Variants in NAALADL2 observed in about 807,000 individuals in gnomAD.
NAALADL2 encodes the protein inactive N-acetylated-alpha-linked acidic dipeptidase-like protein 2.
In NAALADL2, 76 loss-of-function variants were observed where a neutral mutation model predicts 87.2. The ratio of observed to expected loss-of-function variants is 0.87; its 90% CI spans 0.72 to 1.05. The LOEUF (loss-of-function observed/expected upper bound fraction) is 1.05. Ranked by LOEUF, NAALADL2 falls within the 50% of genes least tolerant of loss-of-function variation. The pLI is 0.00. For synonymous variants in NAALADL2, 354 were observed against 331.0 expected (o/e 1.07, Z -0.75); for missense variants, 1,089 against 945.8 (o/e 1.15, Z -1.99).
intron 5 of NAALADL2, among the ~76,000 whole-genome samples, chr3:175,351,395 A>T (rs1171158824): frequency 6.6e-6 from 1 of 152,070 alleles, no homozygotes; most frequent in Non-Finnish European, 1.5e-5. Context: ...TATGATATAT[A>T]TACATATATG....
chr3:174,607,246 A>G (rs576440671), intron 2 of NAALADL2, among the ~76,000 whole-genome samples: 7 of 152,142 alleles, frequency 4.6e-5, no homozygotes, highest in Non-Finnish European at 1.0e-4. Flanking sequence ...GACTAGGAAG[A>G]AACTGCATCA....
chr3:175,774,428 A>T (rs1419546671), intron 13 of NAALADL2, among the ~76,000 whole-genome samples: 1 of 152,044 alleles, frequency 6.6e-6, no homozygotes, highest in African/African-American at 2.4e-5. Flanking sequence ...TTAAACAAAA[A>T]TTTTTTAAAT....
At chr3:175,099,007 T>C (rs1488660815) in intron 2 of NAALADL2, among the ~76,000 whole-genome samples, 4 of 152,062 alleles carry the variant, frequency 2.6e-5, no homozygotes, top group Admixed American at 2.6e-4. Context: ...TATAGTCAAA[T>C]TTGTATTTGT....
intron 11 of NAALADL2, among the ~76,000 whole-genome samples, chr3:175,674,908 T>G (rs1047673674): frequency 1.3e-5 from 2 of 152,208 alleles, no homozygotes; most frequent in African/African-American, 4.8e-5. Flanking sequence ...AAAATTACTT[T>G]TGTAATTTTG....
intron 11 of NAALADL2, among the ~76,000 whole-genome samples, chr3:175,642,676 A>AT (rs1165347593): frequency 5.3e-4 from 81 of 152,020 alleles, no homozygotes; most frequent in African/African-American, 1.9e-3. Flanking sequence ...AATTTTGTGT[A>AT]TTTTTAGTAC....
intron 1 of NAALADL2, among the ~76,000 whole-genome samples, chr3:175,017,087 C>A (rs1464239620): frequency 6.6e-6 from 1 of 152,006 alleles, no homozygotes; most frequent in Non-Finnish European, 1.5e-5. Context: ...CAATGCAATA[C>A]AACTAGTTAC....
In NAALADL2 at chr3:175,809,623, C is replaced by T. The variant is rs150407039; in HGVS notation, c.*6420C>T. On this transcript the variant is annotated 3_prime_UTR_variant, in exon 14 of 14. Coordinates refer to ENST00000454872, the MANE Select transcript of NAALADL2 (RefSeq NM_207015.3). ...GGCTGAGGCGGAAGAATCATTTGGG[C>T]CCAAAAGTTTGAAGCTGCAGTGAGC... is the stretch of plus-strand genomic sequence containing the variant. The T allele has an allele frequency of 6.6e-6, 1 of 150,930 alleles. No individual in the cohort carries two copies. Among genetic ancestry groups the T allele is most frequent in the Non-Finnish European group, 1.5e-5 (1 of 67,808 alleles). The allele number at this position is 150,930 out of a possible 1,614,324, so 9.3% of individuals were successfully genotyped here. A position where few individuals can be genotyped will look rare whatever the true frequency, so the allele number is the denominator to read the frequency against.
chr3:174,579,768 A>G (rs2861837), intron 2 of NAALADL2, among the ~76,000 whole-genome samples: 78,114 of 151,892 alleles, frequency 0.51, 22,525 homozygotes, highest in East Asian at 0.82. Flanking sequence ...TGGCATTAAA[A>G]TGTGATTGCT....
chr3:175,446,029 GA>G (rs1216958930), intron 5 of NAALADL2, among the ~76,000 whole-genome samples: 1 of 152,142 alleles, frequency 6.6e-6, no homozygotes, highest in African/African-American at 2.4e-5. Flanking sequence ...TTCTGTATAT[GA>G]CTGGGATTTA....
At chr3:174,547,001 A>C (rs1020725398) in intron 1 of NAALADL2, among the ~76,000 whole-genome samples, 1 of 152,124 alleles carries the variant, frequency 6.6e-6, no homozygotes, top group South Asian at 2.1e-4. Flanking sequence ...GAAGAGGTAA[A>C]GATGTATTTA....
At chr3:174,935,879 C>T (rs1737618693) in intron 1 of NAALADL2, among the ~76,000 whole-genome samples, 4 of 152,018 alleles carry the variant, frequency 2.6e-5, no homozygotes, top group Admixed American at 2.6e-4. Context: ...ATAAGTCTAG[C>T]AAACTTTAAA....
intron 1 of NAALADL2, among the ~76,000 whole-genome samples, chr3:174,925,924 G>T (rs548739026): frequency 8.5e-5 from 13 of 152,238 alleles, no homozygotes; most frequent in African/African-American, 3.1e-4. Context: ...AAAGAAGAAA[G>T]TTCGAACCAA....
intron 1 of NAALADL2, among the ~76,000 whole-genome samples, chr3:175,006,892 G>A (rs887604401): frequency 2.1e-4 from 31 of 150,956 alleles, no homozygotes; most frequent in Admixed American, 1.4e-3. Flanking sequence ...ATTCTTATAC[G>A]TATATAGCTT....
intron 5 of NAALADL2, among the ~76,000 whole-genome samples, chr3:175,381,984 C>T (rs2148988104): frequency 6.6e-6 from 1 of 152,298 alleles, no homozygotes; most frequent in Non-Finnish European, 1.5e-5. Flanking sequence ...ATACTGCTCA[C>T]TTTCCCTTCT....
chr3:175,122,224 A>T (rs1232879086), intron 2 of NAALADL2, among the ~76,000 whole-genome samples: 1 of 151,864 alleles, frequency 6.6e-6, no homozygotes, highest in Non-Finnish European at 1.5e-5. Context: ...GCCATTCTGC[A>T]TACTGGTTGA....
At chr3:174,852,970 C>T (rs1490565381) in intron 3 of NAALADL2, among the ~76,000 whole-genome samples, 1 of 151,974 alleles carries the variant, frequency 6.6e-6, no homozygotes, top group Non-Finnish European at 1.5e-5. Context: ...AATACAGTCT[C>T]TTCAATGAAT....
chr3:174,693,996 T>G (rs1007798710), intron 2 of NAALADL2, among the ~76,000 whole-genome samples: 1 of 152,162 alleles, frequency 6.6e-6, no homozygotes, highest in Non-Finnish European at 1.5e-5. Context: ...TCTCTGACTT[T>G]GGGGTCATAT....
chr3:175,798,340 A>T (rs1203433131), intron 13 of NAALADL2, among the ~76,000 whole-genome samples: 1 of 152,054 alleles, frequency 6.6e-6, no homozygotes, highest in Non-Finnish European at 1.5e-5. Context: ...CTTATATTCT[A>T]CTAGAATCTC....
intron 1 of NAALADL2, among the ~76,000 whole-genome samples, chr3:175,084,203 C>T (rs954607020): frequency 2.6e-5 from 4 of 152,128 alleles, no homozygotes; most frequent in Non-Finnish European, 4.4e-5. Context: ...AAAGCTACCC[C>T]CCAAATTTTG....
Sources: gnomAD v4.1 joint callset for allele counts (sites outside exome capture counted in the v4.1 genomes callset) on GRCh38, gnomAD v4.1.1 for gene constraint, MANE v1.5 for transcripts, NCBI Gene and HGNC (gene_info 2026-07-23, HGNC 2026-07-21) for gene names.